The following PLCB4 variants were observed in gnomAD, a reference collection of about 807,000 sequenced individuals.
PLCB4 encodes phospholipase C beta 4.
In PLCB4, 77 loss-of-function variants were observed where a neutral mutation model predicts 178.8. The observed-to-expected ratio is 0.43, with a 90% CI of 0.36 to 0.52. The LOEUF is 0.52. Among genes scored for constraint, PLCB4 ranks in the 20% least tolerant of loss-of-function variants. The pLI is 0.00. For synonymous variants in PLCB4, 496 were observed against 490.8 expected, an observed-to-expected ratio of 1.01 and a Z score of -0.14; for missense variants, 1,024 against 1,453.4, an observed-to-expected ratio of 0.70 and a Z score of 4.80.
intron 3 of PLCB4, among the ~76,000 whole-genome samples, chr20:9,236,985 T>G (rs1035420454): frequency 6.6e-5 from 10 of 152,194 alleles, no homozygotes; most frequent in African/African-American, 2.4e-4. Context: ...TTCTAATAAC[T>G]TATCTAAATG....
intron 2 of PLCB4, among the ~76,000 whole-genome samples, chr20:9,194,030 C>G (rs1190748277): frequency 2.0e-5 from 3 of 151,902 alleles, no homozygotes; most frequent in Non-Finnish European, 4.4e-5. Flanking sequence ...TGGAAGCTAT[C>G]ACTCTTTTTA....
At chr20:9,233,826 G>A (rs1418132088) in intron 3 of PLCB4, among the ~76,000 whole-genome samples, 2 of 152,116 alleles carry the variant, frequency 1.3e-5, no homozygotes, top group Non-Finnish European at 2.9e-5. Context: ...TTTTAAAATT[G>A]TTGATGTTTC....
chr20:9,175,779 T>C (rs556447978), intron 2 of PLCB4, among the ~76,000 whole-genome samples: 6 of 152,308 alleles, frequency 3.9e-5, no homozygotes, highest in African/African-American at 1.4e-4. Flanking sequence ...TAATCCCATA[T>C]TCATAGCAAA....
intron 38 of PLCB4, among the ~76,000 whole-genome samples, chr20:9,474,132 A>C (rs1370814233): frequency 1.3e-5 from 2 of 151,392 alleles, no homozygotes; most frequent in African/African-American, 2.4e-5. Flanking sequence ...CAGGAAAATC[A>C]CTTGAACCCA....
At chr20:9,105,625 G>C (rs142587606) in intron 2 of PLCB4, among the ~76,000 whole-genome samples, 24 of 152,152 alleles carry the variant, frequency 1.6e-4, no homozygotes, top group African/African-American at 5.8e-4. Flanking sequence ...ACATCAATGA[G>C]TAAAATATTA....
At chr20:9,256,061 A>C (rs2094231784) in intron 3 of PLCB4, among the ~76,000 whole-genome samples, 1 of 152,154 alleles carries the variant, frequency 6.6e-6, no homozygotes, top group Non-Finnish European at 1.5e-5. Flanking sequence ...GGAGAAAGTC[A>C]TCTCTATTAT....
chr20:9,384,297 A>G lies in PLCB4; in HGVS notation c.950A>G (p.His317Arg). The change falls in exon 14 of 40, where the codon CAT becomes CGT. Residue 317 changes from histidine to arginine, a missense_variant. Around this residue, in one of 7 missense-constraint regions of PLCB4, gnomAD observed 263 missense variants for 417.4 expected, o/e 0.63. Transcript: ENST00000378473. ...DRLELYQEMD[H>R]PLAHYFISSS... ...TTAGAACTTTACCAAGAAATGGACCATCCTCTGGCTCACTACTTCATCAGT... is the reference window on the plus strand; with the variant it reads ...TTAGAACTTTACCAAGAAATGGACCGTCCTCTGGCTCACTACTTCATCAGT... 1 of 1,614,024 alleles carries G rather than the reference A, an allele frequency of 6.2e-7. No homozygotes were observed. Among genetic ancestry groups the G allele is most frequent in the Non-Finnish European group, 8.5e-7 (1 of 1,179,868 alleles).
intron 7 of PLCB4, among the ~76,000 whole-genome samples, chr20:9,358,620 C>T (rs1364672614): frequency 2.6e-5 from 4 of 152,170 alleles, no homozygotes; most frequent in African/African-American, 9.7e-5. Context: ...GCAGACTGAG[C>T]ACGGTGGCTC....
chr20:9,261,738 T>C (rs1303365527), intron 3 of PLCB4, among the ~76,000 whole-genome samples: 7 of 152,100 alleles, frequency 4.6e-5, no homozygotes. Flanking sequence ...TAATGTTAGG[T>C]GAATGGAAGT....
At chr20:9,365,400 CAG>C in intron 8 of PLCB4, 59 bp from the exon 9 acceptor site, 1 of 1,012,354 alleles carries the variant, frequency 9.9e-7, no homozygotes, top group East Asian at 2.4e-5. Flanking sequence ...AAGTTCTTAA[CAG>C]AATTGAAGCT....
intron 2 of PLCB4, among the ~76,000 whole-genome samples, chr20:9,184,924 T>G (rs1308824943): frequency 6.6e-6 from 1 of 152,206 alleles, no homozygotes; most frequent in Non-Finnish European, 1.5e-5. Flanking sequence ...TATTTATGTA[T>G]TTATTTATTT....
chr20:9,154,211 A>G (rs1023216880), intron 2 of PLCB4, among the ~76,000 whole-genome samples: 1 of 152,138 alleles, frequency 6.6e-6, no homozygotes, highest in Admixed American at 6.5e-5. Flanking sequence ...CATTTTTGTC[A>G]TCTTACTCTT....
In PLCB4 at chr20:9,385,274, G is replaced by A. The variant is rs545446994; in HGVS notation, c.1064+863G>A. On this transcript the variant is annotated intron_variant, in intron 14 of 39. Coordinates refer to ENST00000378473, the MANE Select transcript of PLCB4 (RefSeq NM_001377142.1). Reference sequence around the variant, plus strand: ...CCCCACATTTCCCCCTTTTCTTTTCGACAAAACCGCCATCGTCATCATGGC... The same window carrying A: ...CCCCACATTTCCCCCTTTTCTTTTCAACAAAACCGCCATCGTCATCATGGC... Among the ~76,000 whole-genome samples the A allele has an allele frequency of 2.6e-3, 390 of 151,724 alleles. 1 individual carries two copies. Among genetic ancestry groups the A allele is most frequent in the African/African-American group, 7.2e-3 (297 of 41,334 alleles).
intron 2 of PLCB4, among the ~76,000 whole-genome samples, chr20:9,177,390 G>T (rs756926209): frequency 7.9e-5 from 12 of 152,112 alleles, no homozygotes; most frequent in Non-Finnish European, 1.2e-4. Context: ...CTGTTAATTT[G>T]TGTCGAATAC....
chr20:9,107,431 A>G (rs564223508), intron 2 of PLCB4, among the ~76,000 whole-genome samples: 38 of 152,252 alleles, frequency 2.5e-4, no homozygotes, highest in African/African-American at 8.9e-4. Context: ...TTAACAGGGA[A>G]GCCTACCCAC....
At chr20:9,135,373 G>A (rs775617161) in intron 2 of PLCB4, among the ~76,000 whole-genome samples, 10 of 152,142 alleles carry the variant, frequency 6.6e-5, no homozygotes, top group East Asian at 1.9e-4. Context: ...TGAATTCATC[G>A]GTTGATCATT....
At chr20:9,338,505 C>G (rs914560186) in intron 6 of PLCB4, among the ~76,000 whole-genome samples, 1 of 152,042 alleles carries the variant, frequency 6.6e-6, no homozygotes, top group Non-Finnish European at 1.5e-5. Context: ...CATAGTGCAA[C>G]CCTGTCTCTA....
intron 4 of PLCB4, among the ~76,000 whole-genome samples, chr20:9,310,522 A>C (rs1051482700): frequency 2.0e-5 from 3 of 152,126 alleles, no homozygotes; most frequent in South Asian, 2.1e-4. Flanking sequence ...CATTCTGGCT[A>C]ACACAGTGAA....
chr20:9,226,200 A>G (rs1310823976), intron 3 of PLCB4, among the ~76,000 whole-genome samples: 1 of 152,166 alleles, frequency 6.6e-6, no homozygotes, highest in Non-Finnish European at 1.5e-5. Context: ...GTGACCATTC[A>G]GGTAGCTGGG....
Sources: gnomAD v4.1 joint callset for allele counts (sites outside exome capture counted in the v4.1 genomes callset) on GRCh38, gnomAD v4.1.1 for gene constraint, gnomAD v4.1.1 regional missense constraint, MANE v1.5 for transcripts, NCBI Gene and HGNC (gene_info 2026-07-23, HGNC 2026-07-21) for gene names.